DBNDD1: variants seen among roughly 807,000 people sequenced by gnomAD.
DBNDD1 encodes dysbindin domain containing 1.
Under a neutral mutation model 17.0 loss-of-function variants are expected in DBNDD1, and 14 were observed. That is an observed-to-expected ratio of 0.82 (90% CI 0.54 to 1.29). The LOEUF is 1.29. Ranked by LOEUF, DBNDD1 falls within the 50% of genes most tolerant of loss-of-function variation. The pLI, the probability that DBNDD1 is intolerant of heterozygous loss-of-function variation, is 0.00. For synonymous variants in DBNDD1, 105 were observed against 102.0 expected (o/e 1.03, Z -0.18); for missense variants, 221 against 216.2 (o/e 1.02, Z -0.14).
intron 1 of DBNDD1, among the ~76,000 whole-genome samples, chr16:90,017,972 T>A (rs2035673576): frequency 6.6e-6 from 1 of 152,248 alleles, no homozygotes; most frequent in South Asian, 2.1e-4. Flanking sequence ...TCTCTGCCTT[T>A]TAAGCTGCTG....
chr16:90,009,396 C>T lies in DBNDD1; in HGVS notation c.66G>A (p.Ala22=), dbSNP rs755527079. The T allele has an allele frequency of 4.9e-5, 79 of 1,612,638 alleles. 1 individual carries two copies. The highest frequency in any genetic ancestry group is 3.1e-4 in the African/African-American group (23 of 74,952). Residue 22 remains alanine, a synonymous_variant, in exon 2 of 4, where the codon GCG becomes GCA. Coordinates refer to ENST00000002501, the MANE Select transcript of DBNDD1 (RefSeq NM_001042610.3). ...IVKEAEVPQA[A]LGVPAQGTGD... is the part of the protein sequence containing the mutation. ...CTGTCCCCTGGGCTGGGACGCCCAGCGCAGCCTGCGGCACCTCAGCCTCCT... is the reference window on the plus strand; with the variant it reads ...CTGTCCCCTGGGCTGGGACGCCCAGTGCAGCCTGCGGCACCTCAGCCTCCT...
intron 1 of DBNDD1, chr16:90,009,837 C>A: frequency 1.0e-6 from 1 of 974,768 alleles, no homozygotes; most frequent in Non-Finnish European, 1.5e-6. Context: ...CATGTCCAGC[C>A]TCTTGGTCCC....
chr16:90,019,788 C>T (rs963782757), upstream of DBNDD1: 22 of 690,454 alleles, frequency 3.2e-5, no homozygotes, highest in Non-Finnish European at 5.3e-5. The surrounding 1 kb of genome is among the most constrained non-coding windows in gnomAD (Gnocchi z 6.1). Context: ...TGTGGGGCGC[C>T]GACTGTGTGC....
At chr16:90,013,479 A>G (rs2035590694) in intron 1 of DBNDD1, among the ~76,000 whole-genome samples, 1 of 152,030 alleles carries the variant, frequency 6.6e-6, no homozygotes, top group South Asian at 2.1e-4. Flanking sequence ...ACGCAGCTGG[A>G]GCTCTCAGCC....
chr16:90,006,086 C>T lies in DBNDD1; in HGVS notation c.*249G>A, dbSNP rs2035417023. On this transcript the variant is annotated 3_prime_UTR_variant, in exon 4 of 4. Transcript: ENST00000002501. Reference sequence around the variant, plus strand: ...ACTGGGCTGTGCTTGTGCTGGGGCTCCCAGAGGCATCCGGGGGCCCCGTGT... The same window carrying T: ...ACTGGGCTGTGCTTGTGCTGGGGCTTCCAGAGGCATCCGGGGGCCCCGTGT... 6.0e-6 allele frequency: 3 copies of T among 497,646 alleles called. No homozygotes were observed. The highest frequency in any genetic ancestry group is 1.1e-5 in the Non-Finnish European group (3 of 274,998). The allele number at this position is 497,646 out of a possible 1,614,324, so 30.8% of individuals were successfully genotyped here. A position where few individuals can be genotyped will look rare whatever the true frequency, so the allele number is the denominator to read the frequency against.
chr16:90,006,482 C>T lies in DBNDD1; in HGVS notation c.330G>A (p.Pro110=), dbSNP rs760866327. 24 of 1,598,122 alleles carry T rather than the reference C, an allele frequency of 1.5e-5. No individual in the cohort carries two copies. Among genetic ancestry groups the T allele is most frequent in the East Asian group, 2.2e-5 (1 of 44,862 alleles). The change falls in exon 4 of 4, where the codon CCG becomes CCA. Residue 110 remains proline, a synonymous_variant. Transcript: ENST00000002501. ...LNTESPAGLH[P]LPRAGYLRSP... is the part of the protein sequence containing the mutation. ...AGCGCAGGTAGCCGGCCCGGGGCAG[C>T]GGGTGCAGACCTAGGGGCATGCGGG... is the stretch of plus-strand genomic sequence containing the variant.
chr16:90,012,958 G>A (rs953532379), intron 1 of DBNDD1, among the ~76,000 whole-genome samples: 1 of 151,562 alleles, frequency 6.6e-6, no homozygotes, highest in Non-Finnish European at 1.5e-5. Flanking sequence ...GGCTGGTCTC[G>A]AACTCCTGGG....
chr16:90,009,922 GAAT>G, intron 1 of DBNDD1: 1 of 1,597,964 alleles, frequency 6.3e-7, no homozygotes, highest in Non-Finnish European at 8.6e-7. Flanking sequence ...TTTGAGTTCA[GAAT>G]AATACATTCT....
chr16:90,017,481 C>G (rs991652085), intron 1 of DBNDD1, among the ~76,000 whole-genome samples: 1 of 143,146 alleles, frequency 7.0e-6, no homozygotes, highest in African/African-American at 2.6e-5. Flanking sequence ...GGCAACAGAG[C>G]GAGACTCCGT....
rs569017076 is a variant in DBNDD1, at chr16:90,006,418, C to T, written c.394G>A (p.Glu132Lys). Residue 132 changes from glutamate (E) to lysine (K), a missense_variant, in exon 4 of 4, where the codon GAG becomes AAG. Transcript: ENST00000002501. ...TCGGGGTCGCCTAGGGGCTGCTTCT[C>T]GTGGCTCTGCTCAGCCCTTGTCCTC... is the stretch of plus-strand genomic sequence containing the variant. ...WTRTRAEQSH[E>K]KQPLGDPERQ... The T allele has an allele frequency of 2.7e-5, 44 of 1,604,444 alleles. No homozygotes were observed. In the Middle Eastern group the frequency reaches 6.6e-4, roughly 24 times the overall value.
intron 1 of DBNDD1, among the ~76,000 whole-genome samples, chr16:90,015,392 A>T (rs934053973): frequency 6.6e-6 from 1 of 152,224 alleles, no homozygotes; most frequent in Non-Finnish European, 1.5e-5. Flanking sequence ...ACTGTGTAAT[A>T]CATGCAGCAT....
rs2035448076 is a variant in DBNDD1, at chr16:90,007,449, C to G, written c.320-957G>C. 1.3e-5 allele frequency: 2 copies of G among 152,334 alleles called. 1 individual carries two copies. Among genetic ancestry groups the G allele is most frequent in the South Asian group, 4.1e-4 (2 of 4,838 alleles). 9.4% of individuals were successfully genotyped at this position (152,334 alleles called of 1,614,324 possible). A position where few individuals can be genotyped will look rare whatever the true frequency, so the allele number is the denominator to read the frequency against. On this transcript the variant is annotated intron_variant, in intron 3 of 3. Transcript: ENST00000002501. ...TCACGTCAGTGTCCTTCACTGGTCA[C>G]TGTCAGAGACTGAGGACGCGCTGTC...
chr16:90,019,362 G>A lies in DBNDD1; in HGVS notation c.-21C>T, dbSNP rs2035725128. 4.1e-6 allele frequency: 5 copies of A among 1,214,108 alleles called. No individual in the cohort carries two copies. The highest frequency in any genetic ancestry group is 4.1e-6 in the Non-Finnish European group (4 of 976,326). 75.2% of individuals were successfully genotyped at this position (1,214,108 alleles called of 1,614,324 possible). The stretch of plus-strand genomic sequence containing the variant: ...TCCATGCGGCCGGTGCGGTCTGGGA[G>A]GGGCACGGGCGACGGCGGCGTCGCC... On this transcript the variant is annotated 5_prime_UTR_variant, in exon 1 of 4. Coordinates refer to ENST00000002501, the MANE Select transcript of DBNDD1 (RefSeq NM_001042610.3). The surrounding 1 kb of genome is among the most constrained non-coding windows in gnomAD (Gnocchi z 6.1).
chr16:90,010,342 C>T (rs1437964694), intron 1 of DBNDD1: 1 of 173,196 alleles, frequency 5.8e-6, no homozygotes, highest in African/African-American at 2.6e-5. Context: ...AGCCTGGCCT[C>T]ATTTTTTTTC....
In DBNDD1 at chr16:90,016,041, T is replaced by G. The variant is rs1567836430; in HGVS notation, c.31+3270A>C. On this transcript the variant is annotated intron_variant, in intron 1 of 3. Coordinates refer to ENST00000002501, the MANE Select transcript of DBNDD1 (RefSeq NM_001042610.3). ...AAACAATCCTCAATGGAAACAAAGG[T>G]TGATCTTGGCTGGAACTGATAGGCA... is the stretch of plus-strand genomic sequence containing the variant. 2.0e-5 allele frequency among the ~76,000 whole-genome samples: 3 copies of G among 152,308 alleles called. No homozygotes were observed. In the Middle Eastern group the frequency reaches 0.01, roughly 518 times the overall value.
intron 1 of DBNDD1, among the ~76,000 whole-genome samples, chr16:90,012,519 G>C (rs1410923836): frequency 6.6e-6 from 1 of 151,510 alleles, no homozygotes; most frequent in Non-Finnish European, 1.5e-5. Flanking sequence ...GAGTGCAATG[G>C]CGTGATCTTG....
upstream of DBNDD1, chr16:90,019,700 C>T: frequency 1.7e-6 from 1 of 572,918 alleles, no homozygotes; most frequent in Non-Finnish European, 3.0e-6. The surrounding 1 kb of genome is among the most constrained non-coding windows in gnomAD (Gnocchi z 6.1). Flanking sequence ...CGACCCCGGC[C>T]GGGCGTCCGG....
At position 90,005,830 on chromosome 16, in the gene DBNDD1, C is replaced by A. The variant is rs1185873648; in HGVS notation, c.*505G>T. On this transcript the variant is annotated 3_prime_UTR_variant, in exon 4 of 4. Transcript: ENST00000002501. The stretch of plus-strand genomic sequence containing the variant: ...TCCATGTGTGCTTTGCTGGACAGCA[C>A]ATTGTCCCATTAGCCACTACCAAAC... The A allele has an allele frequency of 6.3e-6, 1 of 158,902 alleles. No individual in the cohort carries two copies. The highest frequency in any genetic ancestry group is 1.4e-5 in the Non-Finnish European group (1 of 71,396). 9.8% of individuals were successfully genotyped at this position (158,902 alleles called of 1,614,324 possible). A position where few individuals can be genotyped will look rare whatever the true frequency, so the allele number is the denominator to read the frequency against.
At chr16:90,017,397 A>G (rs1417885840) in intron 1 of DBNDD1, among the ~76,000 whole-genome samples, 1 of 152,044 alleles carries the variant, frequency 6.6e-6, no homozygotes, top group Non-Finnish European at 1.5e-5. Context: ...GGGGAGGCTG[A>G]GGCAGGAGAA....
Sources: gnomAD v4.1 joint callset for allele counts (sites outside exome capture counted in the v4.1 genomes callset) on GRCh38, gnomAD v4.1.1 for gene constraint, Gnocchi (gnomAD v3.1) non-coding constraint, MANE v1.5 for transcripts, NCBI Gene and HGNC (gene_info 2026-07-23, HGNC 2026-07-21) for gene names.